NCKAP5: variants seen among roughly 807,000 people sequenced by gnomAD.
NCKAP5 encodes nck-associated protein 5.
In NCKAP5, 92 loss-of-function variants were observed where a neutral mutation model predicts 167.0. That is an observed-to-expected ratio of 0.55 (90% CI 0.47 to 0.66). The LOEUF (loss-of-function observed/expected upper bound fraction) is 0.66. Among genes scored for constraint, NCKAP5 ranks in the 30% least tolerant of loss-of-function variants. NCKAP5 has a pLI of 0.00. For missense variants in NCKAP5, 2,378 were observed against 2,315.0 expected, an observed-to-expected ratio of 1.03 and a Z score of -0.56; for synonymous variants, 891 against 877.4, an observed-to-expected ratio of 1.02 and a Z score of -0.27.
rs754429013 is a variant in NCKAP5, at chr2:132,782,102, T to C, written c.4709A>G (p.Lys1570Arg). The C allele has an allele frequency of 1.2e-6, 2 of 1,614,082 alleles. No individual in the cohort carries two copies. Among genetic ancestry groups the C allele is most frequent in the South Asian group, 1.1e-5 (1 of 91,086 alleles). Residue 1570 changes from lysine (K) to arginine (R), a missense_variant, in exon 14 of 20, where the codon AAG becomes AGG. Physicochemically the swap from Lys to Arg is conservative, Grantham distance 26 (BLOSUM62 2). This residue lies in a region of NCKAP5 where 1,325 missense variants were observed against 1,274.5 expected (regional missense o/e 1.04). Coordinates refer to ENST00000409261, the MANE Select transcript of NCKAP5 (RefSeq NM_207363.3). ...TGGATTATCTGCTGACTTGGTGTCC[T>C]TGATAAGCTCATTTTCTGTCTCACA... is the stretch of plus-strand genomic sequence containing the variant. ...LQCETENELI[K>R]DTKSADNPDG...
chr2:132,860,520 A>G lies in NCKAP5; in HGVS notation c.779T>C (p.Val260Ala). The change falls in exon 11 of 20, where the codon GTC becomes GCC. Residue 260 changes from valine to alanine, a missense_variant. By Grantham distance (64) the Val-to-Ala change is moderately conservative (BLOSUM62 0). Coordinates refer to ENST00000409261, the MANE Select transcript of NCKAP5 (RefSeq NM_207363.3). ...RTLSILFQQR[V>A]RPTSDLLLQK... ...GAGGAGCAGATCAGAAGTGGGTCTG[A>G]CTCGCTGTTGGAATAGGATGCTTAG... The G allele has an allele frequency of 1.9e-6, 3 of 1,582,958 alleles. No homozygotes were observed. The highest frequency in any genetic ancestry group is 2.6e-6 in the Non-Finnish European group (3 of 1,162,360).
At chr2:133,588,338 C>A in the NCKAP5 span, among the ~76,000 whole-genome samples, 1 of 129,574 alleles carries the variant, frequency 7.7e-6, no homozygotes, top group Non-Finnish European at 1.6e-5. Context: ...CCCTTCCCTC[C>A]TTCTTCCCTT....
rs1255134862 is a variant in NCKAP5 at position 133,270,912 on chromosome 2, A to ATTTTT, written c.143+32120_143+32124dup. 3.4e-4 allele frequency among the ~76,000 whole-genome samples: 44 copies of ATTTTT among 128,970 alleles called. 1 individual carries two copies. Among genetic ancestry groups the ATTTTT allele is most frequent in the African/African-American group, 7.9e-4 (27 of 34,212 alleles). The allele number at this position is 128,970 out of a possible 152,430, so 84.6% of individuals were successfully genotyped here. ...GTACTTTTGTTTTTTGTTGCTTCAA[A>ATTTTT]TTTTTTTTTTTTTTTTTTCTTTTTT... On this transcript the variant is annotated intron_variant, in intron 4 of 19. Coordinates refer to ENST00000409261, the MANE Select transcript of NCKAP5 (RefSeq NM_207363.3).
chr2:132,834,775 A>G (rs1279366056), intron 11 of NCKAP5, among the ~76,000 whole-genome samples: 1 of 152,134 alleles, frequency 6.6e-6, no homozygotes, highest in Non-Finnish European at 1.5e-5. Flanking sequence ...ATAGATGTGA[A>G]CTACCACACC....
chr2:132,781,064 T>C lies in NCKAP5; in HGVS notation c.5037A>G (p.Pro1679=). ...GTGGAGCACTTACCAGGGAGTCTTTTGGTACTTCCATATCGGCTTTGATTT... is the reference window on the plus strand; with the variant it reads ...GTGGAGCACTTACCAGGGAGTCTTTCGGTACTTCCATATCGGCTTTGATTT... The part of the protein sequence containing the change: ...NMKIKADMEV[P]KDSLVKEANE... The change falls in exon 15 of 20, where the codon CCA becomes CCG. Residue 1679 remains proline, a synonymous_variant. Coordinates refer to ENST00000409261, the MANE Select transcript of NCKAP5 (RefSeq NM_207363.3). 1 of 1,613,260 alleles carries C rather than the reference T, an allele frequency of 6.2e-7. No homozygotes were observed. Among genetic ancestry groups the C allele is most frequent in the South Asian group, 1.1e-5 (1 of 90,894 alleles).
chr2:133,058,640 G>GA (rs2079883921), intron 6 of NCKAP5, among the ~76,000 whole-genome samples: 1 of 152,244 alleles, frequency 6.6e-6, no homozygotes, highest in Non-Finnish European at 1.5e-5. Flanking sequence ...TCTTATGGAT[G>GA]AAAAAAGAAA....
chr2:133,356,576 T>C (rs1264035735), intron 3 of NCKAP5, among the ~76,000 whole-genome samples: 1 of 152,120 alleles, frequency 6.6e-6, no homozygotes, highest in Non-Finnish European at 1.5e-5. Flanking sequence ...GATTCATAGG[T>C]GAATGGGAGC....
intron 5 of NCKAP5, among the ~76,000 whole-genome samples, chr2:133,137,243 T>C (rs1048747994): frequency 5.9e-5 from 9 of 152,180 alleles, no homozygotes; most frequent in Admixed American, 1.3e-4. Context: ...AACTTGAGGA[T>C]TGATTTTTTA....
intron 3 of NCKAP5, among the ~76,000 whole-genome samples, chr2:133,425,660 T>A (rs961412281): frequency 6.6e-6 from 1 of 152,154 alleles, no homozygotes; most frequent in African/African-American, 2.4e-5. Flanking sequence ...AAAGTTTTCC[T>A]TCCTAAAACA....
At chr2:133,548,768 A>G (rs1021388546) in intron 2 of NCKAP5, among the ~76,000 whole-genome samples, 3 of 152,262 alleles carry the variant, frequency 2.0e-5, no homozygotes, top group Non-Finnish European at 4.4e-5. Context: ...CAGCCGCTGC[A>G]AAATCATGCC....
intron 8 of NCKAP5, among the ~76,000 whole-genome samples, chr2:132,944,887 G>A (rs1233013902): frequency 6.6e-6 from 1 of 152,076 alleles, no homozygotes; most frequent in African/African-American, 2.4e-5. Context: ...GATAAATGAG[G>A]GACTGTGGGC....
intron 7 of NCKAP5, among the ~76,000 whole-genome samples, chr2:132,979,660 C>T (rs902001555): frequency 3.9e-5 from 6 of 152,224 alleles, no homozygotes; most frequent in Non-Finnish European, 7.3e-5. Context: ...CTTCCTCTCA[C>T]CAGAATACCC....
chr2:133,471,424 C>T (rs1255756385), intron 3 of NCKAP5, among the ~76,000 whole-genome samples: 1 of 152,136 alleles, frequency 6.6e-6, no homozygotes, highest in Non-Finnish European at 1.5e-5. Flanking sequence ...AAGCAAATGA[C>T]ATTTCTCTCT....
intron 3 of NCKAP5, among the ~76,000 whole-genome samples, chr2:133,380,408 T>A (rs867233444): frequency 2.6e-4 from 40 of 152,212 alleles, no homozygotes; most frequent in African/African-American, 8.9e-4. Context: ...TTGAGTGTTT[T>A]AGGAGCTCAA....
At position 132,785,299 on chromosome 2, in the gene NCKAP5, G is replaced by T. The variant is rs1683466259; in HGVS notation, c.1512C>A (p.Thr504=). Residue 504 remains threonine (T), a synonymous_variant, in exon 14 of 20, where the codon ACC becomes ACA. Transcript: ENST00000409261. ...CAAACAGACTGTCGGAAACACTGTG[G>T]GTTAATTTACTGCCATGTGGCCTGC... ...QSCRPHGSKL[T]HSVSDSLFGW... is the part of the protein sequence containing the mutation. 4 of 1,607,036 alleles carry T rather than the reference G, an allele frequency of 2.5e-6. No individual in the cohort carries two copies. The East Asian group carries it at 6.7e-5, about 27-fold the overall frequency.
At chr2:133,447,925 A>G (rs963346879) in intron 3 of NCKAP5, among the ~76,000 whole-genome samples, 1 of 152,148 alleles carries the variant, frequency 6.6e-6, no homozygotes, top group African/African-American at 2.4e-5. Context: ...GGTACTTCCA[A>G]TAATTCTGTC....
chr2:132,783,265 G>A lies in NCKAP5; in HGVS notation c.3546C>T (p.Ser1182=), dbSNP rs554514177. The change falls in exon 14 of 20, where the codon TCC becomes TCT. Residue 1182 remains serine, a synonymous_variant. Transcript: ENST00000409261. ...CTGGCTTAGACTTGTTCACAGCCAC[G>A]GAACTTTTGGAGGCTTCATTTAAAC... The part of the protein sequence containing the change: ...KDSLNEASKS[S]VAVNKSKPED... 11 of 1,613,850 alleles carry A rather than the reference G, an allele frequency of 6.8e-6. No individual in the cohort carries two copies. The highest frequency in any genetic ancestry group is 2.2e-5 in the East Asian group (1 of 44,850).
chr2:133,085,047 A>C (rs774569809), intron 6 of NCKAP5, among the ~76,000 whole-genome samples: 2 of 152,170 alleles, frequency 1.3e-5, no homozygotes, highest in African/African-American at 2.4e-5. Flanking sequence ...AAAATATAAA[A>C]ACCATTTCTT....
chr2:133,428,961 T>G lies in NCKAP5; in HGVS notation c.69+88497A>C, dbSNP rs566337846. 4.1e-4 allele frequency among the ~76,000 whole-genome samples: 63 copies of G among 152,320 alleles called. 2 individuals carry two copies. In the South Asian group the frequency reaches 0.011, roughly 28 times the overall value. ...CCTATAATTTTTTTAGAAATTAATT[T>G]GGCAATATTAATTTAAAATGTACAT... On this transcript the variant is annotated intron_variant, in intron 3 of 19. Coordinates refer to ENST00000409261, the MANE Select transcript of NCKAP5 (RefSeq NM_207363.3).
Sources: allele counts gnomAD v4.1 joint callset (sites outside exome capture counted in the v4.1 genomes callset), GRCh38; gene constraint gnomAD v4.1.1; regional missense constraint gnomAD v4.1.1; transcripts MANE v1.5; gene names NCBI Gene and HGNC (gene_info 2026-07-23, HGNC 2026-07-21).